MYLK: variants seen among roughly 807,000 people sequenced by gnomAD.
MYLK encodes the protein myosin light chain kinase, smooth muscle.
MYLK carries 106 observed loss-of-function variants against 203.4 expected under a neutral mutation model. The ratio of observed to expected loss-of-function variants is 0.52; its 90% CI spans 0.45 to 0.61. The LOEUF (loss-of-function observed/expected upper bound fraction) is 0.61. MYLK is among the 20% of genes least tolerant of loss of function. The pLI is 0.00. For missense variants in MYLK, 2,072 were observed against 2,442.3 expected, an observed-to-expected ratio of 0.85 and a Z score of 3.20; for synonymous variants, 867 against 959.5, an observed-to-expected ratio of 0.90 and a Z score of 1.78.
intron 33 of MYLK, among the ~76,000 whole-genome samples, chr3:123,615,487 C>T (rs1011276229): frequency 8.6e-5 from 13 of 151,762 alleles, no homozygotes; most frequent in African/African-American, 2.9e-4. Flanking sequence ...GTGCACGCCA[C>T]GACACCCGGC....
At chr3:123,763,360 T>G (rs1052025477) in intron 4 of MYLK, among the ~76,000 whole-genome samples, 1 of 152,204 alleles carries the variant, frequency 6.6e-6, no homozygotes, top group Non-Finnish European at 1.5e-5. Flanking sequence ...GCTTGATGCA[T>G]AGTGGTCCTG....
rs544246546 is a variant in MYLK at position 123,739,913 on chromosome 3, C to T, written c.422+40G>A. ...TATCCTGCTCAAGTCAGCAGGAAAG[C>T]AATCCAACCCTTACTCTGTCTTGAA... On this transcript the variant is annotated intron_variant, in intron 6 of 33. Coordinates refer to ENST00000360304, the MANE Select transcript of MYLK (RefSeq NM_053025.4). The T allele has an allele frequency of 3.1e-6, 5 of 1,610,340 alleles. No homozygotes were observed. The South Asian group carries it at 5.5e-5, about 18-fold the overall frequency.
chr3:123,613,644 G>A lies in MYLK; in HGVS notation c.*461C>T. 5.1e-6 allele frequency: 1 copy of A among 197,806 alleles called. No homozygotes were observed. Among genetic ancestry groups the A allele is most frequent in the Non-Finnish European group, 1.0e-5 (1 of 95,966 alleles). 12.3% of individuals were successfully genotyped at this position (197,806 alleles called of 1,614,324 possible). On this transcript the variant is annotated 3_prime_UTR_variant, in exon 34 of 34. Transcript: ENST00000360304. ...CAACTGCTTTCAGAAATGAATTGCT[G>A]GAGTACTGGGAGAAAACCCAGTTCT...
intron 1 of MYLK, among the ~76,000 whole-genome samples, chr3:123,882,176 T>G (rs549896301): frequency 4.3e-4 from 66 of 152,292 alleles, no homozygotes; most frequent in African/African-American, 1.5e-3. Context: ...AACCCAGCAC[T>G]TTGGGAGGCA....
chr3:123,859,832 G>T (rs1194887750), intron 2 of MYLK, among the ~76,000 whole-genome samples: 1 of 152,074 alleles, frequency 6.6e-6, no homozygotes. Context: ...TAAATGACTG[G>T]TATCTGTTTC....
chr3:123,816,912 C>T (rs2065768426), intron 3 of MYLK, among the ~76,000 whole-genome samples: 1 of 152,220 alleles, frequency 6.6e-6, no homozygotes, highest in Non-Finnish European at 1.5e-5. Context: ...GGGTGGGAAA[C>T]AGAGCATGGG....
In MYLK at chr3:123,618,782, A is replaced by G. The variant is rs768559255; in HGVS notation, c.5369-12T>C. 1.2e-6 allele frequency: 2 copies of G among 1,613,908 alleles called. No individual in the cohort carries two copies. The highest frequency in any genetic ancestry group is 1.7e-6 in the Non-Finnish European group (2 of 1,179,900). On this transcript the variant is annotated splice_polypyrimidine_tract_variant and intron_variant, in intron 32 of 33. Transcript: ENST00000360304. ...TTGGGACACATCTTCTAGAAGACAG[A>G]GAAGAAGACCAGGTCATTTCTTCAC...
At chr3:123,719,873 T>G (rs1270568361) in intron 13 of MYLK, among the ~76,000 whole-genome samples, 1 of 152,156 alleles carries the variant, frequency 6.6e-6, no homozygotes, top group African/African-American at 2.4e-5. Flanking sequence ...CCAACGGGGC[T>G]GCCAATCAAG....
intron 24 of MYLK, among the ~76,000 whole-genome samples, chr3:123,651,829 G>A (rs373039853): frequency 2.0e-5 from 3 of 152,228 alleles, no homozygotes; most frequent in Admixed American, 1.3e-4. Flanking sequence ...TCACCCCAGA[G>A]GTCTGTGGCA....
chr3:123,787,861 C>T (rs551085253), intron 4 of MYLK, among the ~76,000 whole-genome samples: 1 of 152,300 alleles, frequency 6.6e-6, no homozygotes, highest in South Asian at 2.1e-4. Flanking sequence ...AAATATGCTT[C>T]TTGTTTACCC....
At chr3:123,704,325 C>G (rs2061366486) in intron 16 of MYLK, among the ~76,000 whole-genome samples, 1 of 152,204 alleles carries the variant, frequency 6.6e-6, no homozygotes, top group East Asian at 1.9e-4. Flanking sequence ...ACCCACATGT[C>G]AGATCACCTA....
At position 123,642,036 on chromosome 3, in the gene MYLK, T is replaced by C. The variant is rs2058856107; in HGVS notation, c.4620-1532A>G. The stretch of plus-strand genomic sequence containing the variant: ...CACCTGGCTAATTTTTTTAATGTTT[T>C]GTAGAGACAGGGTCTCTCTCTGTCA... On this transcript the variant is annotated intron_variant, in intron 27 of 33. Coordinates refer to ENST00000360304, the MANE Select transcript of MYLK (RefSeq NM_053025.4). This position sits in a 1 kb window ranked among gnomAD's most constrained non-coding sequence, Gnocchi z 4.2. Among the ~76,000 whole-genome samples, 1 of 152,076 alleles carries C rather than the reference T, an allele frequency of 6.6e-6. No homozygotes were observed. Among genetic ancestry groups the C allele is most frequent in the Non-Finnish European group, 1.5e-5 (1 of 68,032 alleles).
chr3:123,616,006 TCAAAA>T (rs959125138), intron 33 of MYLK, among the ~76,000 whole-genome samples: 1 of 152,040 alleles, frequency 6.6e-6, no homozygotes, highest in Non-Finnish European at 1.5e-5. Context: ...AAAATAAGAG[TCAAAA>T]CAAAATGGGA....
chr3:123,674,878 A>T (rs965272639), intron 20 of MYLK, among the ~76,000 whole-genome samples: 7 of 152,228 alleles, frequency 4.6e-5, no homozygotes, highest in African/African-American at 1.7e-4. Context: ...CACAGCATTC[A>T]TCAGGCACCG....
chr3:123,620,721 C>T (rs768333539), intron 31 of MYLK: 14 of 855,242 alleles, frequency 1.6e-5, no homozygotes, highest in East Asian at 7.7e-5. Flanking sequence ...GGCTATTTCT[C>T]GTAAAACAAT....
intron 11 of MYLK, among the ~76,000 whole-genome samples, chr3:123,729,505 T>G (rs954085336): frequency 6.6e-6 from 1 of 152,340 alleles, no homozygotes; most frequent in South Asian, 2.1e-4. Flanking sequence ...TGAATAGGCA[T>G]TTCTCTGAAG....
At chr3:123,652,106 T>C (rs2059233993) in intron 24 of MYLK, among the ~76,000 whole-genome samples, 1 of 152,164 alleles carries the variant, frequency 6.6e-6, no homozygotes, top group South Asian at 2.1e-4. Context: ...GATTCCAGGC[T>C]GCTACATCCC....
At chr3:123,666,080 G>C in intron 22 of MYLK, 139 bp downstream of exon 22, 1 of 1,328,790 alleles carries the variant, frequency 7.5e-7, no homozygotes, top group Non-Finnish European at 1.1e-6. Flanking sequence ...TGAGCGATGG[G>C]TAGGGGAGTG....
intron 5 of MYLK, among the ~76,000 whole-genome samples, chr3:123,746,553 A>C (rs552875428): frequency 6.6e-6 from 1 of 152,324 alleles, no homozygotes; most frequent in Non-Finnish European, 1.5e-5. Context: ...GAGGGAAGAG[A>C]TTCCAGCTAA....
Sources: allele counts gnomAD v4.1 joint callset (sites outside exome capture counted in the v4.1 genomes callset), GRCh38; gene constraint gnomAD v4.1.1; non-coding constraint Gnocchi (gnomAD v3.1); transcripts MANE v1.5; gene names NCBI Gene and HGNC (gene_info 2026-07-23, HGNC 2026-07-21).